Variants in RIC1 observed in about 807,000 individuals in gnomAD.
The protein encoded by RIC1 is RIC1 partner of RAB6A GEF complex, also known as guanine nucleotide exchange factor subunit RIC1.
Under a neutral mutation model 169.0 loss-of-function variants are expected in RIC1, and 88 were observed. The ratio of observed to expected loss-of-function variants is 0.52; its 90% CI spans 0.44 to 0.62. RIC1 has a LOEUF of 0.62. Ranked by LOEUF, RIC1 falls within the 20% of genes least tolerant of loss-of-function variation. The pLI is 0.00. For missense variants in RIC1, 1,877 were observed against 1,725.5 expected (o/e 1.09, Z -1.56); for synonymous variants, 790 against 601.5 (o/e 1.31, Z -4.59).
At chr9:5,706,138 GGTA>G (rs1375521564) in intron 3 of RIC1, among the ~76,000 whole-genome samples, 10 of 152,102 alleles carry the variant, frequency 6.6e-5, no homozygotes, top group African/African-American at 1.9e-4. Flanking sequence ...GTCTGACTTT[GGTA>G]TCAGGGTAAT....
At chr9:5,634,465 C>T (rs1403062666) in intron 1 of RIC1, among the ~76,000 whole-genome samples, 1 of 152,166 alleles carries the variant, frequency 6.6e-6, no homozygotes, top group African/African-American at 2.4e-5. Flanking sequence ...TTGCATCTCC[C>T]TGATGATTAG....
At chr9:5,681,927 T>C (rs889926092) in intron 2 of RIC1, among the ~76,000 whole-genome samples, 1 of 152,236 alleles carries the variant, frequency 6.6e-6, no homozygotes, top group African/African-American at 2.4e-5. Flanking sequence ...CTTCTTTGTC[T>C]CTTTTGATCT....
Position 5,763,707 on chromosome 9 carries a change from T to G in RIC1, c.2680T>G (p.Phe894Val). The G allele has an allele frequency of 6.2e-7, 1 of 1,614,142 alleles. No individual in the cohort carries two copies. The highest frequency in any genetic ancestry group is 8.5e-7 in the Non-Finnish European group (1 of 1,180,008). The change falls in exon 19 of 26, where the codon TTC (phenylalanine) becomes GTC (valine). Residue 894 changes from phenylalanine (F) to valine (V), a missense_variant. By Grantham distance (50) the Phe-to-Val change is conservative (BLOSUM62 -1). This residue lies in a region of RIC1 where 92 missense variants were observed against 151.5 expected (regional missense o/e 0.61). Transcript: ENST00000414202. The surrounding 1 kb of genome is among the most constrained non-coding windows in gnomAD (Gnocchi z 5.2). ...LPTVAKFITEFPLFLQTVVHC... is the reference protein window; with the variant it reads ...LPTVAKFITEVPLFLQTVVHC... ...CACTGTGGCAAAATTTATCACTGAG[T>G]TCCCCCTCTTCCTGCAGACAGTTGT...
chr9:5,709,479 T>C (rs1177836149), intron 3 of RIC1, among the ~76,000 whole-genome samples: 1 of 152,214 alleles, frequency 6.6e-6, no homozygotes, highest in Non-Finnish European at 1.5e-5. Context: ...CGTTTCAGTT[T>C]TCTCTCTGAA....
At chr9:5,714,144 T>A in intron 4 of RIC1, 141 bp downstream of exon 4, 1 of 485,532 alleles carries the variant, frequency 2.1e-6, no homozygotes, top group Non-Finnish European at 3.6e-6. Flanking sequence ...TGATTAACCC[T>A]TATAAGACAA....
chr9:5,734,618 G>C (rs890213605), intron 7 of RIC1, among the ~76,000 whole-genome samples: 1 of 152,026 alleles, frequency 6.6e-6, no homozygotes, highest in African/African-American at 2.4e-5. Flanking sequence ...TAACGTTGTA[G>C]TAGAAACACC....
At chr9:5,728,047 G>C (rs1028265652) in intron 6 of RIC1, among the ~76,000 whole-genome samples, 1 of 152,194 alleles carries the variant, frequency 6.6e-6, no homozygotes, top group Non-Finnish European at 1.5e-5. Context: ...TCCGTGCTGG[G>C]CAAACCACTA....
intron 7 of RIC1, 120 bp from the exon 8 acceptor site, chr9:5,738,330 T>C (rs1020460765): frequency 2.6e-5 from 17 of 665,596 alleles, no homozygotes; most frequent in African/African-American, 7.5e-5. Flanking sequence ...CTGCAACTTA[T>C]TGACAAAGTG....
intron 2 of RIC1, among the ~76,000 whole-genome samples, chr9:5,687,350 A>G (rs1216062099): frequency 6.6e-5 from 10 of 151,952 alleles, no homozygotes; most frequent in Admixed American, 6.6e-4. Flanking sequence ...GATCTCTGTT[A>G]TTTGCATGCT....
intron 4 of RIC1, among the ~76,000 whole-genome samples, chr9:5,715,568 G>C (rs1053041967): frequency 2.0e-5 from 3 of 152,148 alleles, no homozygotes; most frequent in Admixed American, 2.0e-4. Flanking sequence ...ATGAAACTTA[G>C]ATTTTTATAA....
chr9:5,656,583 C>A lies in RIC1; in HGVS notation c.145C>A (p.Pro49Thr). Reference sequence around the variant, plus strand: ...CTTTTTTTTTTTTTTAATCACACAGCCTAGTGTGTTAATTGTAACCTACAA... The same window carrying A: ...CTTTTTTTTTTTTTTAATCACACAGACTAGTGTGTTAATTGTAACCTACAA... ...AARLSIWYSR[P>T]SVLIVTYKEP... The change falls in exon 2 of 26, where the codon CCT becomes ACT. Residue 49 changes from proline (P) to threonine (T), a missense_variant and splice_region_variant. By Grantham distance (38) the Pro-to-Thr change is conservative (BLOSUM62 -1). This residue lies in a region of RIC1 where 1,104 missense variants were observed against 992.0 expected (regional missense o/e 1.11). Transcript: ENST00000414202. 1 of 1,537,074 alleles carries A rather than the reference C, an allele frequency of 6.5e-7. No homozygotes were observed. The highest frequency in any genetic ancestry group is 8.9e-7 in the Non-Finnish European group (1 of 1,127,778).
chr9:5,751,028 C>A (rs1232035060), intron 12 of RIC1, among the ~76,000 whole-genome samples: 1 of 151,720 alleles, frequency 6.6e-6, no homozygotes, highest in Non-Finnish European at 1.5e-5. Flanking sequence ...AGATATTGAT[C>A]ATAGTGTGAT....
At chr9:5,637,440 A>G (rs1213166239) in intron 1 of RIC1, among the ~76,000 whole-genome samples, 1 of 152,222 alleles carries the variant, frequency 6.6e-6, no homozygotes, top group African/African-American at 2.4e-5. Context: ...CATCCCCTCA[A>G]GCATTTAACC....
intron 16 of RIC1, 30 bp from the exon 17 acceptor site, chr9:5,757,283 G>T (rs1826065745): frequency 6.2e-7 from 1 of 1,611,812 alleles, no homozygotes; most frequent in South Asian, 1.1e-5. Context: ...CATTGTTGTT[G>T]AGGTATGTGG....
rs62557386 is a variant in RIC1 at position 5,691,998 on chromosome 9, C to T, written c.332+1960C>T. On this transcript the variant is annotated intron_variant, in intron 3 of 25. Transcript: ENST00000414202. ...CTGATTCTAAAACTGCAAGAGACAC[C>T]AGTTAACTAAGTAGTCCTGACAATG... 1.2e-3 allele frequency among the ~76,000 whole-genome samples: 175 copies of T among 152,078 alleles called. No homozygotes were observed. The Middle Eastern group carries it at 0.017, about 15-fold the overall frequency.
chr9:5,655,716 T>A (rs1354224273), intron 1 of RIC1, among the ~76,000 whole-genome samples: 1 of 152,206 alleles, frequency 6.6e-6, no homozygotes, highest in African/African-American at 2.4e-5. Flanking sequence ...ATTAATTGAG[T>A]TTTGAATGCC....
At chr9:5,764,899 G>A (rs1050978374) in intron 19 of RIC1, among the ~76,000 whole-genome samples, 2 of 152,172 alleles carry the variant, frequency 1.3e-5, no homozygotes, top group African/African-American at 4.8e-5. Context: ...TAAAGACCAA[G>A]ATAGGCAGGT....
Position 5,742,863 on chromosome 9 carries a change from T to C in RIC1, c.902-6T>C. On this transcript the variant is annotated splice_region_variant and splice_polypyrimidine_tract_variant and intron_variant, in intron 8 of 25. Transcript: ENST00000414202. ...ATTTTTAACTCTTCTCACTATTTCC[T>C]AACAGACATTTGGAATAAAACAGGA... is the stretch of plus-strand genomic sequence containing the variant. 1 of 1,607,806 alleles carries C rather than the reference T, an allele frequency of 6.2e-7. No individual in the cohort carries two copies. Among genetic ancestry groups the C allele is most frequent in the Non-Finnish European group, 8.5e-7 (1 of 1,175,538 alleles).
intron 1 of RIC1, among the ~76,000 whole-genome samples, chr9:5,649,736 CTTG>C (rs1231926025): frequency 8.6e-6 from 1 of 116,848 alleles, no homozygotes; most frequent in East Asian, 3.0e-4. Context: ...GTCATAATTT[CTTG>C]TTTTTTTTTT....
Sources: gnomAD v4.1 joint callset for allele counts (sites outside exome capture counted in the v4.1 genomes callset) on GRCh38, gnomAD v4.1.1 for gene constraint, gnomAD v4.1.1 regional missense constraint, Gnocchi (gnomAD v3.1) non-coding constraint, MANE v1.5 for transcripts, NCBI Gene and HGNC (gene_info 2026-07-23, HGNC 2026-07-21) for gene names.